The following EFR3B variants were observed in gnomAD, a reference collection of about 807,000 sequenced individuals.
EFR3B encodes EFR3 homolog B, also known as protein EFR3 homolog B.
In EFR3B, 64 loss-of-function variants were observed where a neutral mutation model predicts 104.7. The ratio of observed to expected loss-of-function variants is 0.61; its 90% CI spans 0.50 to 0.75. The LOEUF (loss-of-function observed/expected upper bound fraction) is 0.75, where lower values mean the gene tolerates loss of function less well. Ranked by LOEUF, EFR3B falls within the 30% of genes least tolerant of loss-of-function variation. The pLI, the probability that EFR3B is intolerant of heterozygous loss-of-function variation, is 0.00. For synonymous variants in EFR3B, 385 were observed against 417.9 expected (o/e 0.92, Z 0.96); for missense variants, 750 against 1,078.5 (o/e 0.70, Z 4.27).
At position 25,131,843 on chromosome 2, in the gene EFR3B, G is replaced by GCCT; in HGVS notation, c.1081_1083dup (p.Leu361dup). On this transcript the variant is annotated inframe_insertion, in exon 10 of 23. Coordinates refer to ENST00000403714, the MANE Select transcript of EFR3B (RefSeq NM_014971.2). This position sits in a 1 kb window ranked among gnomAD's most constrained non-coding sequence, Gnocchi z 7.6. ...ACCGGGAGCTACGACGGGGCGGTCA[G>GCCT]CCTCGGCACCAAGATCATCAAGGAG... 1 of 1,549,206 alleles carries GCCT rather than the reference G, an allele frequency of 6.5e-7. No homozygotes were observed. Among genetic ancestry groups the GCCT allele is most frequent in the Non-Finnish European group, 8.7e-7 (1 of 1,146,196 alleles).
At chr2:25,133,325 A>T in intron 11 of EFR3B, 58 bp from the exon 12 acceptor site, 2 of 1,505,732 alleles carry the variant, frequency 1.3e-6, no homozygotes, top group Non-Finnish European at 1.8e-6. Flanking sequence ...TAAGCTGGCA[A>T]GTGTGTGACC....
chr2:25,131,402 T>C lies in EFR3B; in HGVS notation c.884T>C (p.Leu295Pro). The C allele has an allele frequency of 6.4e-7, 1 of 1,550,924 alleles. No individual in the cohort carries two copies. The highest frequency in any genetic ancestry group is 8.7e-7 in the Non-Finnish European group (1 of 1,146,858). ...QHSHLVIQQL[L>P]GHLDANSRSA... ...TCACACCTGGTCATCCAGCAGCTCC[T>C]GGGCCACCTGGACGCCAACAGCCGC... The change falls in exon 9 of 23, where the codon CTG becomes CCG. Residue 295 changes from leucine (L) to proline (P), a missense_variant. By Grantham distance (98) the Leu-to-Pro change is moderately conservative (BLOSUM62 -3). Transcript: ENST00000403714. This position sits in a 1 kb window ranked among gnomAD's most constrained non-coding sequence, Gnocchi z 7.6.
intron 4 of EFR3B, among the ~76,000 whole-genome samples, chr2:25,118,693 C>T: frequency 7.8e-6 from 1 of 128,896 alleles, no homozygotes; most frequent in Non-Finnish European, 1.5e-5. Context: ...AGTTTGAGAC[C>T]AGCCTGGACA....
intron 1 of EFR3B, among the ~76,000 whole-genome samples, chr2:25,090,529 A>G (rs1039568518): frequency 5.3e-5 from 8 of 152,202 alleles, no homozygotes; most frequent in Admixed American, 4.6e-4. Context: ...ACACAAACAT[A>G]CCACAGGGTT....
In EFR3B at chr2:25,043,752, T is replaced by C. The variant is rs535351041; in HGVS notation, c.7+1433T>C. 2.0e-5 allele frequency among the ~76,000 whole-genome samples: 3 copies of C among 151,336 alleles called. No individual in the cohort carries two copies. In the Middle Eastern group the frequency reaches 0.01, roughly 515 times the overall value. On this transcript the variant is annotated intron_variant, in intron 1 of 22. Coordinates refer to ENST00000403714, the MANE Select transcript of EFR3B (RefSeq NM_014971.2). Reference sequence around the variant, plus strand: ...ATATGTATGTATATATATAGGAGTATGTGTGTATTTTTTTACTCTCTCTGT... The same window carrying C: ...ATATGTATGTATATATATAGGAGTACGTGTGTATTTTTTTACTCTCTCTGT...
At chr2:25,053,093 C>T (rs150292547) in intron 1 of EFR3B, among the ~76,000 whole-genome samples, 142 of 152,304 alleles carry the variant, frequency 9.3e-4, no homozygotes, top group Non-Finnish European at 1.5e-3. Context: ...ACAGGTCTTT[C>T]CTCTGTGGAG....
At chr2:25,105,309 C>T (rs1573205956) in intron 4 of EFR3B, among the ~76,000 whole-genome samples, 1 of 152,140 alleles carries the variant, frequency 6.6e-6, no homozygotes, top group South Asian at 2.1e-4. Flanking sequence ...TACACCACCA[C>T]ACCTGGCTAA....
At chr2:25,120,801 A>G (rs940265718) in intron 4 of EFR3B, among the ~76,000 whole-genome samples, 12 of 152,382 alleles carry the variant, frequency 7.9e-5, no homozygotes, top group African/African-American at 2.9e-4. Flanking sequence ...ACCCTGGTGC[A>G]GGAGGAATCT....
intron 1 of EFR3B, among the ~76,000 whole-genome samples, chr2:25,057,672 C>T (rs1279755841): frequency 6.6e-5 from 10 of 151,564 alleles, no homozygotes; most frequent in Non-Finnish European, 1.2e-4. Flanking sequence ...ATCCCAGCTA[C>T]TTGGGAGGCT....
chr2:25,152,065 G>T, intron 21 of EFR3B, 45 bp downstream of exon 21: 1 of 1,539,482 alleles, frequency 6.5e-7, no homozygotes, highest in South Asian at 1.2e-5. Flanking sequence ...GCCAAGTCAA[G>T]ACTGAATTTG....
Position 25,154,454 on chromosome 2 carries a change from T to C in EFR3B, c.*114T>C, listed in dbSNP as rs1671104778. The C allele has an allele frequency of 1.0e-6, 1 of 997,640 alleles. No individual in the cohort carries two copies. 61.8% of individuals were successfully genotyped at this position (997,640 alleles called of 1,614,324 possible). A position where few individuals can be genotyped will look rare whatever the true frequency, so the allele number is the denominator to read the frequency against. ...ATCTCTGAGAAAACATCACCTTAGATGGCAGCGCCTCCCAGGCTAAGCCAA... is the reference window on the plus strand; with the variant it reads ...ATCTCTGAGAAAACATCACCTTAGACGGCAGCGCCTCCCAGGCTAAGCCAA... On this transcript the variant is annotated 3_prime_UTR_variant, in exon 23 of 23. Transcript: ENST00000403714. This position sits in a 1 kb window ranked among gnomAD's most constrained non-coding sequence, Gnocchi z 4.1.
intron 1 of EFR3B, among the ~76,000 whole-genome samples, chr2:25,048,258 C>T (rs144823939): frequency 6.6e-6 from 1 of 152,150 alleles, no homozygotes; most frequent in Non-Finnish European, 1.5e-5. Context: ...AAGTGATTCT[C>T]CCACCTCAGC....
chr2:25,068,848 C>A (rs917806628), intron 1 of EFR3B, among the ~76,000 whole-genome samples: 1 of 151,558 alleles, frequency 6.6e-6, no homozygotes, highest in Non-Finnish European at 1.5e-5. Context: ...CCAGGATGGT[C>A]TCTATCTCCT....
At position 25,093,080 on chromosome 2, in the gene EFR3B, C is replaced by G. The variant is rs1000026291; in HGVS notation, c.162C>G (p.Gly54=). ...LSAPEKLDRI[G]AYLSERLIRD... is the part of the protein sequence containing the mutation. ...CTCCAGAAAAACTTGATCGTATTGG[C>G]GCCTACCTCTCTGAGAGGCTCATCC... is the stretch of plus-strand genomic sequence containing the variant. The change falls in exon 3 of 23, where the codon GGC becomes GGG. Residue 54 remains glycine, a synonymous_variant. Coordinates refer to ENST00000403714, the MANE Select transcript of EFR3B (RefSeq NM_014971.2). The G allele has an allele frequency of 2.6e-6, 4 of 1,551,548 alleles. No homozygotes were observed. The Admixed American group carries it at 7.8e-5, about 30-fold the overall frequency.
chr2:25,124,279 TGTG>T (rs1670101599), intron 5 of EFR3B, among the ~76,000 whole-genome samples: 1 of 15,564 alleles, frequency 6.4e-5, no homozygotes, highest in Non-Finnish European at 9.8e-5. Flanking sequence ...TGCATGCAAG[TGTG>T]TGTGTGTGTG....
chr2:25,110,514 C>T (rs1328343132), intron 4 of EFR3B, among the ~76,000 whole-genome samples: 4 of 152,172 alleles, frequency 2.6e-5, no homozygotes, highest in Non-Finnish European at 5.9e-5. Flanking sequence ...TCTTCCACTT[C>T]CTGTGCCCAT....
chr2:25,069,006 T>C (rs1426583076), intron 1 of EFR3B, among the ~76,000 whole-genome samples: 9 of 149,182 alleles, frequency 6.0e-5, no homozygotes, highest in African/African-American at 2.2e-4. Context: ...CGATCTTGGC[T>C]CACTGCAACC....
chr2:25,148,848 G>A (rs1435085974), intron 19 of EFR3B, among the ~76,000 whole-genome samples: 6 of 145,058 alleles, frequency 4.1e-5, no homozygotes, highest in African/African-American at 1.5e-4. Context: ...CGTGAACCCG[G>A]GAGGCGGAGC....
intron 1 of EFR3B, among the ~76,000 whole-genome samples, chr2:25,076,080 A>G (rs1326139124): frequency 6.6e-6 from 1 of 151,148 alleles, no homozygotes; most frequent in African/African-American, 2.4e-5. Context: ...ATGTTTAGAG[A>G]TGAGGTCTCA....
Sources: allele counts gnomAD v4.1 joint callset (sites outside exome capture counted in the v4.1 genomes callset), GRCh38; gene constraint gnomAD v4.1.1; non-coding constraint Gnocchi (gnomAD v3.1); transcripts MANE v1.5; gene names NCBI Gene and HGNC (gene_info 2026-07-23, HGNC 2026-07-21).